The following SRGAP3 variants were observed in gnomAD, a reference collection of about 807,000 sequenced individuals.
SRGAP3 encodes SLIT-ROBO Rho GTPase-activating protein 3.
A neutral mutation model predicts 121.1 loss-of-function variants in SRGAP3; 39 were observed. That is an observed-to-expected ratio of 0.32 (90% CI 0.25 to 0.42). The LOEUF (loss-of-function observed/expected upper bound fraction) is 0.42, where lower values mean the gene tolerates loss of function less well. Ranked by LOEUF, SRGAP3 falls within the 10% of genes least tolerant of loss-of-function variation. The probability of loss-of-function intolerance (pLI) is 1.00; values close to 1 mark genes in which losing one functional copy is unlikely to be tolerated. For synonymous variants in SRGAP3, 601 were observed against 570.0 expected (o/e 1.05, Z -0.77); for missense variants, 1,213 against 1,470.6 (o/e 0.82, Z 2.86).
Position 9,285,768 on chromosome 3 carries a change from CAA to C in SRGAP3, n.442+40240_442+40241del, listed in dbSNP as rs35774144. Reference sequence around the variant, plus strand: ...TGGGCAACATAGTGACGCCCCACCTCAAAAAAAAAAAAAAAAGTTAAATGAAA... The same window carrying C: ...TGGGCAACATAGTGACGCCCCACCTCAAAAAAAAAAAAAAGTTAAATGAAA... On this transcript the variant is annotated intron_variant and non_coding_transcript_variant, in intron 3 of 3. Transcript: ENST00000490889. Among the ~76,000 whole-genome samples, 381 of 129,308 alleles carry C rather than the reference CAA, an allele frequency of 2.9e-3. 3 individuals carry two copies. The highest frequency in any genetic ancestry group is 0.027 in the South Asian group (106 of 3,968). 84.8% of individuals were successfully genotyped at this position (129,308 alleles called of 152,430 possible). A position where few individuals can be genotyped will look rare whatever the true frequency, so the allele number is the denominator to read the frequency against.
intron 1 of SRGAP3, among the ~76,000 whole-genome samples, chr3:9,335,321 C>T (rs1955673474): frequency 6.6e-6 from 1 of 152,072 alleles, no homozygotes. Context: ...AAGATTTGTA[C>T]GTGTGAGTGA....
At position 9,232,536 on chromosome 3, in the gene SRGAP3, G is replaced by A. The variant is rs191538583; in HGVS notation, c.67+16349C>T. On this transcript the variant is annotated intron_variant, in intron 1 of 21. Transcript: ENST00000383836. Reference sequence around the variant, plus strand: ...TAAAACTGTAATACATACACACACAGACACACATACACACACACACTTTGG... The same window carrying A: ...TAAAACTGTAATACATACACACACAAACACACATACACACACACACTTTGG... Among the ~76,000 whole-genome samples the A allele has an allele frequency of 2.0e-5, 3 of 151,938 alleles. No homozygotes were observed. The East Asian group carries it at 5.8e-4, about 29-fold the overall frequency.
intron 1 of SRGAP3, among the ~76,000 whole-genome samples, chr3:9,135,806 A>G (rs1468610264): frequency 6.6e-6 from 1 of 152,194 alleles, no homozygotes; most frequent in African/African-American, 2.4e-5. Flanking sequence ...AGTTCTGAGG[A>G]CAGTCAGCCT....
intron 1 of SRGAP3, among the ~76,000 whole-genome samples, chr3:9,175,225 A>G (rs1951135095): frequency 6.6e-6 from 1 of 152,222 alleles, no homozygotes; most frequent in African/African-American, 2.4e-5. Context: ...TCCATATCTC[A>G]GAACTCCCAC....
chr3:9,256,277 A>G lies in SRGAP3; in HGVS notation n.442+69733T>C, dbSNP rs543649859. ...GGACTGGACAGCTTCAGTGACAGCA[A>G]TTCACAGCTGAGCCCCAGATCCTAA... On this transcript the variant is annotated intron_variant and non_coding_transcript_variant, in intron 3 of 3. Coordinates refer to the SRGAP3 transcript ENST00000490889. Among the ~76,000 whole-genome samples, 40 of 152,354 alleles carry G rather than the reference A, an allele frequency of 2.6e-4. No homozygotes were observed. The South Asian group carries it at 8.3e-3, about 32-fold the overall frequency.
intron 1 of SRGAP3, among the ~76,000 whole-genome samples, chr3:9,164,044 C>G (rs1021733599): frequency 7.9e-6 from 1 of 126,676 alleles, no homozygotes; most frequent in Non-Finnish European, 1.6e-5. Flanking sequence ...GTTGCCCAGG[C>G]TGGAGTGCAA....
intron 1 of SRGAP3, among the ~76,000 whole-genome samples, chr3:9,182,873 G>A (rs1408245014): frequency 6.6e-6 from 1 of 151,934 alleles, no homozygotes; most frequent in African/African-American, 2.4e-5. Context: ...GCCCAGGCTG[G>A]TCTTGAACTC....
At chr3:9,351,936 T>G (rs894522510) in intron 1 of SRGAP3, among the ~76,000 whole-genome samples, 6 of 152,210 alleles carry the variant, frequency 3.9e-5, no homozygotes, top group Non-Finnish European at 5.9e-5. Context: ...CCTGTTTTTC[T>G]GCAACCAAGT....
chr3:9,338,502 G>A (rs1955729350), intron 1 of SRGAP3, among the ~76,000 whole-genome samples: 1 of 152,170 alleles, frequency 6.6e-6, no homozygotes, highest in Non-Finnish European at 1.5e-5. Context: ...CCAGCATTGG[G>A]ATGGAAACTA....
At chr3:9,010,157 T>C (rs1369023531) in intron 18 of SRGAP3, 151 bp downstream of exon 18, 2 of 929,324 alleles carry the variant, frequency 2.2e-6, no homozygotes, top group Non-Finnish European at 3.4e-6. Context: ...GCCATGAAGG[T>C]TTTTCGGGGT....
At chr3:9,222,947 T>C (rs1004161488) in intron 1 of SRGAP3, among the ~76,000 whole-genome samples, 1 of 152,254 alleles carries the variant, frequency 6.6e-6, no homozygotes, top group African/African-American at 2.4e-5. Flanking sequence ...TCACATACCC[T>C]GAGCAAGATA....
chr3:9,115,261 G>A (rs967372516), intron 2 of SRGAP3, among the ~76,000 whole-genome samples: 1 of 152,198 alleles, frequency 6.6e-6, no homozygotes, highest in African/African-American at 2.4e-5. Flanking sequence ...TGAGGAAGGA[G>A]TTTGCAAAGT....
intron 19 of SRGAP3, among the ~76,000 whole-genome samples, chr3:8,993,333 T>G (rs1248847078): frequency 1.3e-5 from 2 of 152,164 alleles, no homozygotes; most frequent in African/African-American, 4.8e-5. Flanking sequence ...AGCTCCAGGC[T>G]AGGACAAGCT....
chr3:8,993,219 G>A (rs1011203516), intron 19 of SRGAP3, among the ~76,000 whole-genome samples, 164 bp from the exon 20 acceptor site: 8 of 152,162 alleles, frequency 5.3e-5, no homozygotes, highest in Admixed American at 2.0e-4. Context: ...TTCCCACCAC[G>A]CATGCCCATT....
chr3:9,114,119 A>T (rs965116832), intron 2 of SRGAP3, among the ~76,000 whole-genome samples: 1 of 152,092 alleles, frequency 6.6e-6, no homozygotes, highest in African/African-American at 2.4e-5. Flanking sequence ...GGTGCTATTG[A>T]GTCAAGAGGC....
chr3:9,108,212 A>C (rs566835669), intron 2 of SRGAP3, among the ~76,000 whole-genome samples: 62 of 152,304 alleles, frequency 4.1e-4, no homozygotes, highest in African/African-American at 1.4e-3. Context: ...GCTTTTAAAA[A>C]AACACCAAGA....
chr3:9,257,102 A>G (rs9852070), intron 3 of SRGAP3: 8,797 of 370,104 alleles, frequency 0.024, 657 homozygotes, highest in African/African-American at 0.16. Context: ...GGTGTTATAT[A>G]TTGCCCCTAT....
chr3:9,305,384 T>A (rs1955140694), intron 3 of SRGAP3, among the ~76,000 whole-genome samples: 2 of 144,354 alleles, frequency 1.4e-5, no homozygotes, highest in East Asian at 2.0e-4. Context: ...TTTTTTTTTT[T>A]AGATTTTTTT....
chr3:8,990,368 G>C, intron 21 of SRGAP3, 144 bp downstream of exon 21: 2 of 1,077,676 alleles, frequency 1.9e-6, no homozygotes, highest in Admixed American at 4.3e-5. Context: ...CCCAGCAAGG[G>C]ACGGGGAGGC....
Sources: allele counts gnomAD v4.1 joint callset (sites outside exome capture counted in the v4.1 genomes callset), GRCh38; gene constraint gnomAD v4.1.1; transcripts MANE v1.5; gene names NCBI Gene and HGNC (gene_info 2026-07-23, HGNC 2026-07-21).